The following PARP16 variants were observed in gnomAD, a reference collection of about 807,000 sequenced individuals.
PARP16 encodes the protein protein mono-ADP-ribosyltransferase PARP16.
PARP16 carries 31 observed loss-of-function variants against 35.0 expected under a neutral mutation model. The ratio of observed to expected loss-of-function variants is 0.88; its 90% CI spans 0.66 to 1.19. PARP16 has a LOEUF of 1.19. Among genes scored for constraint, PARP16 ranks in the 50% most tolerant of loss-of-function variants. The pLI is 0.00. For missense variants in PARP16, 424 were observed against 411.2 expected (o/e 1.03, Z -0.27); for synonymous variants, 162 against 169.5 (o/e 0.96, Z 0.34).
downstream of PARP16, among the ~76,000 whole-genome samples, chr15:65,231,700 G>C (rs777671684): frequency 2.0e-5 from 3 of 152,022 alleles, no homozygotes; most frequent in Non-Finnish European, 4.4e-5. Context: ...TGCCCATCTC[G>C]GCCTCCCAAA....
intron 1 of PARP16, among the ~76,000 whole-genome samples, chr15:65,282,209 C>T (rs544073026): frequency 1.8e-3 from 279 of 152,224 alleles, no homozygotes; most frequent in African/African-American, 5.8e-3. Context: ...GACAGGGTTT[C>T]GCCATGTTGC....
intron 3 of PARP16, among the ~76,000 whole-genome samples, chr15:65,244,555 A>G (rs2089160125): frequency 6.6e-6 from 1 of 152,182 alleles, no homozygotes; most frequent in Admixed American, 6.5e-5. Flanking sequence ...CCCATGACTC[A>G]ATGATCTCCC....
At chr15:65,232,912 AAAAC>A (rs137908633), downstream of PARP16, among the ~76,000 whole-genome samples, 147,505 of 151,806 alleles carry the variant, frequency 0.97, 71,719 homozygotes, top group East Asian at 1. Flanking sequence ...AAAACAAAAC[AAAAC>A]AAACAAAAAA....
At chr15:65,260,784 C>A (rs2089683272) in intron 5 of PARP16, 101 bp downstream of exon 5, 3 of 1,007,698 alleles carry the variant, frequency 3.0e-6, no homozygotes, top group Non-Finnish European at 4.6e-6. Context: ...TACTTGACAT[C>A]TAGCGGAGGT....
intron 2 of PARP16, among the ~76,000 whole-genome samples, chr15:65,252,618 G>A (rs1345866174): frequency 2.6e-5 from 4 of 152,174 alleles, no homozygotes; most frequent in Admixed American, 6.5e-5. Context: ...GGCCAAATGG[G>A]GTTAGAGCAA....
downstream of PARP16, chr15:65,258,093 C>T (rs1483198389): frequency 1.3e-5 from 2 of 152,228 alleles, no homozygotes; most frequent in East Asian, 3.8e-4. Flanking sequence ...ACAAAGGCAA[C>T]TTAAATCATT....
chr15:65,269,176 T>TTTTCTTTCTTTCTTTCTTTCTTTC (rs58938798), intron 2 of PARP16, among the ~76,000 whole-genome samples: 1,869 of 146,104 alleles, frequency 0.013, 30 homozygotes, highest in East Asian at 0.054. Context: ...TAGTCGGTTT[T>TTTTCTTTCTTTCTTTCTTTCTTTC]TTTCTTTCTT....
intron 3 of PARP16, among the ~76,000 whole-genome samples, chr15:65,245,924 A>C (rs1366490681): frequency 6.6e-6 from 1 of 152,164 alleles, no homozygotes; most frequent in Admixed American, 6.5e-5. Flanking sequence ...TCTGGCCCCA[A>C]GCAGAGCAGC....
rs1484478178 is a variant in PARP16 at position 65,263,245 on chromosome 15, C to T, written c.595G>A (p.Gly199Arg). The T allele has an allele frequency of 1.2e-6, 2 of 1,614,082 alleles. No homozygotes were observed. Among genetic ancestry groups the T allele is most frequent in the East Asian group, 2.2e-5 (1 of 44,888 alleles). Residue 199 changes from glycine to arginine, a missense_variant, in exon 4 of 6, where the codon GGG becomes AGG. Gly to Arg is a moderately radical substitution (Grantham distance 125, BLOSUM62 -2). Coordinates refer to ENST00000649807, the MANE Select transcript of PARP16 (RefSeq NM_001316943.2). ...GGGCCGAGGAGGCTGTGCTGCCACC[C>T]ATGGCCATGGGGGCTGTATATGAGG... is the stretch of plus-strand genomic sequence containing the variant. The part of the protein sequence containing the change: ...LALIYSPHGH[G>R]WQHSLLGPIL...
Position 65,270,975 on chromosome 15 carries a change from G to C in PARP16, c.272C>G (p.Ser91Cys), listed in dbSNP as rs2090074583. 1.2e-6 allele frequency: 2 copies of C among 1,614,130 alleles called. No individual in the cohort carries two copies. The highest frequency in any genetic ancestry group is 1.7e-6 in the Non-Finnish European group (2 of 1,180,008). Residue 91 changes from serine to cysteine, a missense_variant, in exon 2 of 6, where the codon TCC becomes TGC. Ser to Cys is a moderately radical substitution (Grantham distance 112). Transcript: ENST00000649807. ...ACTGTGGATTGTCAGGACCTTTGAG[G>C]ATAAAATCCAGCTCACCAGGTCCCA... ...RAWDLVSWILSSKVLTIHSAG... is the reference protein window; with the variant it reads ...RAWDLVSWILCSKVLTIHSAG...
intron 3 of PARP16, among the ~76,000 whole-genome samples, chr15:65,265,366 T>C (rs901464348): frequency 2.0e-5 from 3 of 152,188 alleles, no homozygotes; most frequent in Admixed American, 6.5e-5. Flanking sequence ...ATGGTGTCCT[T>C]TTTTACAGAT....
chr15:65,269,216 A>T (rs1448504609), intron 2 of PARP16, among the ~76,000 whole-genome samples: 6 of 51,134 alleles, frequency 1.2e-4, no homozygotes, highest in African/African-American at 3.4e-4. Context: ...TTTTTTTTTG[A>T]GATACAGTCT....
rs1567013240 is a variant in PARP16, at chr15:65,250,106, C to CTTTTTTTTTTTTTTTTTTTTT, written c.203-1879_203-1878insAAAAAAAAAAAAAAAAAAAAA. On this transcript the variant is annotated intron_variant and NMD_transcript_variant, in intron 2 of 3. Coordinates refer to the PARP16 transcript ENST00000559805. ...CTAGCTGCAGCCTTGCACCTGCTTG[C>CTTTTTTTTTTTTTTTTTTTTT]CTTTTTTTTTTTTTTTTTTTTTTTT... Among the ~76,000 whole-genome samples the CTTTTTTTTTTTTTTTTTTTTT allele has an allele frequency of 4.8e-5, 5 of 104,198 alleles. 1 individual carries two copies. Among genetic ancestry groups the CTTTTTTTTTTTTTTTTTTTTT allele is most frequent in the Non-Finnish European group, 1.9e-5 (1 of 53,200 alleles). The allele number at this position is 104,198 out of a possible 152,430, so 68.4% of individuals were successfully genotyped here. A position where few individuals can be genotyped will look rare whatever the true frequency, so the allele number is the denominator to read the frequency against.
rs1465387420 is a variant in PARP16, at chr15:65,286,524, C to G, written c.-98G>C. The G allele has an allele frequency of 5.2e-6, 5 of 956,052 alleles. No homozygotes were observed. The highest frequency in any genetic ancestry group is 7.3e-6 in the Non-Finnish European group (5 of 688,404). The allele number at this position is 956,052 out of a possible 1,614,324, so 59.2% of individuals were successfully genotyped here. ...GCTGGGCCCGCGGACAATGGGCCGT[C>G]AGGGGCCGGGTTCCCAAGCCTGGGG... On this transcript the variant is annotated 5_prime_UTR_variant, in exon 1 of 6. Transcript: ENST00000649807.
chr15:65,250,966 C>T (rs2089344136), intron 2 of PARP16, among the ~76,000 whole-genome samples: 1 of 152,132 alleles, frequency 6.6e-6, no homozygotes, highest in Non-Finnish European at 1.5e-5. Flanking sequence ...TCGCTACAAC[C>T]TTTGCCTCCC....
intron 3 of PARP16, among the ~76,000 whole-genome samples, chr15:65,235,262 G>A (rs530667508): frequency 4.6e-5 from 7 of 151,918 alleles, no homozygotes; most frequent in East Asian, 1.9e-4. Flanking sequence ...AGCCGAGATC[G>A]CGCCACTGCA....
At chr15:65,259,721 G>A (rs2089637770) in intron 5 of PARP16, among the ~76,000 whole-genome samples, 179 bp from the exon 6 acceptor site, 2 of 152,222 alleles carry the variant, frequency 1.3e-5, no homozygotes, top group South Asian at 4.1e-4. Context: ...CCCAGGCACT[G>A]ACACGCCTTT....
At chr15:65,282,875 AG>A (rs1314543436) in intron 1 of PARP16, among the ~76,000 whole-genome samples, 1 of 152,168 alleles carries the variant, frequency 6.6e-6, no homozygotes, top group African/African-American at 2.4e-5. Context: ...ACCTTTGCAG[AG>A]GGGTGAGGGA....
Position 65,266,769 on chromosome 15 carries a change from C to T in PARP16, c.313-1G>A, listed in dbSNP as rs1017312428. On this transcript the variant is annotated splice_acceptor_variant, in intron 2 of 5. Transcript: ENST00000649807. LOFTEE classifies it high-confidence loss of function. ...CAGTCAGCTTTTGGATCTTTTCAAA[C>T]TTGAAAACATGAAGAGCATCAAAAT... 33 of 1,610,490 alleles carry T rather than the reference C, an allele frequency of 2.0e-5. No individual in the cohort carries two copies. The highest frequency in any genetic ancestry group is 2.5e-5 in the Non-Finnish European group (30 of 1,177,300).
Sources: allele counts gnomAD v4.1 joint callset (sites outside exome capture counted in the v4.1 genomes callset), GRCh38; gene constraint gnomAD v4.1.1; transcripts MANE v1.5; gene names NCBI Gene and HGNC (gene_info 2026-07-23, HGNC 2026-07-21).